Variants in USP42 observed in about 807,000 individuals in gnomAD.
USP42 encodes ubiquitin specific peptidase 42.
USP42 carries 23 observed loss-of-function variants against 113.0 expected under a neutral mutation model. The ratio of observed to expected loss-of-function variants is 0.20; its 90% CI spans 0.15 to 0.29. The LOEUF is 0.29. Ranked by LOEUF, USP42 falls within the 10% of genes least tolerant of loss-of-function variation. The probability of loss-of-function intolerance (pLI) is 1.00; values close to 1 mark genes in which losing one functional copy is unlikely to be tolerated. For synonymous variants in USP42, 933 were observed against 699.0 expected (o/e 1.33, Z -5.28); for missense variants, 2,174 against 1,779.8 (o/e 1.22, Z -3.99).
chr7:6,153,946 C>A lies in USP42; in HGVS notation c.2392C>A (p.Pro798Thr). ...EGAWEAMAVA[P>T]EEPPPSAGED... is the part of the protein sequence containing the mutation. Reference sequence around the variant, plus strand: ...CGCCTGGGAGGCCATGGCCGTCGCCCCCGAGGAGCCTCCGCCCAGCGCCGG... The same window carrying A: ...CGCCTGGGAGGCCATGGCCGTCGCCACCGAGGAGCCTCCGCCCAGCGCCGG... The change falls in exon 15 of 18, where the codon CCC becomes ACC. Residue 798 changes from proline to threonine, a missense_variant. By Grantham distance (38) the Pro-to-Thr change is conservative (BLOSUM62 -1). Coordinates refer to ENST00000306177, the MANE Select transcript of USP42 (RefSeq NM_032172.3). 6.3e-7 allele frequency: 1 copy of A among 1,597,850 alleles called. No homozygotes were observed. The highest frequency in any genetic ancestry group is 8.5e-7 in the Non-Finnish European group (1 of 1,174,828).
chr7:6,152,204 TGTGA>T (rs1782102452), intron 14 of USP42, among the ~76,000 whole-genome samples: 1 of 152,226 alleles, frequency 6.6e-6, no homozygotes, highest in Admixed American at 6.5e-5. Context: ...ACAGGTTGGC[TGTGA>T]GTGACAGCTC....
chr7:6,132,498 C>G (rs1780904724), intron 3 of USP42, among the ~76,000 whole-genome samples: 1 of 151,568 alleles, frequency 6.6e-6, no homozygotes, highest in Non-Finnish European at 1.5e-5. Flanking sequence ...GCTGGGGTTA[C>G]AGGCGCACAC....
Position 6,150,167 on chromosome 7 carries a change from A to G in USP42, c.1971A>G (p.Leu657=), listed in dbSNP as rs776528056. Residue 657 remains leucine, a synonymous_variant, in exon 13 of 18, where the codon CTA becomes CTG. Coordinates refer to ENST00000306177, the MANE Select transcript of USP42 (RefSeq NM_032172.3). The part of the protein sequence containing the change: ...TPHELQEPMT[L]NGANSADSDS... ...ACGAGCTTCAAGAACCCATGACCCT[A>G]AACGGTGCTAATAGTGCAGACAGCG... 3.7e-6 allele frequency: 6 copies of G among 1,613,940 alleles called. No individual in the cohort carries two copies. The highest frequency in any genetic ancestry group is 5.1e-6 in the Non-Finnish European group (6 of 1,179,856).
intron 3 of USP42, among the ~76,000 whole-genome samples, chr7:6,129,411 G>C (rs535399188): frequency 6.6e-6 from 1 of 150,908 alleles, no homozygotes; most frequent in African/African-American, 2.4e-5. Flanking sequence ...CAAAAGATTA[G>C]CCAGGCATGG....
intron 3 of USP42, among the ~76,000 whole-genome samples, chr7:6,120,309 C>T (rs1280064345): frequency 2.0e-5 from 3 of 152,136 alleles, no homozygotes; most frequent in African/African-American, 7.2e-5. Flanking sequence ...GTGCCACTAT[C>T]TCCACTCACT....
At chr7:6,123,826 C>G (rs1055354358) in intron 3 of USP42, among the ~76,000 whole-genome samples, 1 of 130,430 alleles carries the variant, frequency 7.7e-6, no homozygotes, top group African/African-American at 3.1e-5. Context: ...AAAGGAGACC[C>G]TGTCTCAAAA....
At chr7:6,089,554 A>G in the USP42 span, among the ~76,000 whole-genome samples, 10 of 138,594 alleles carry the variant, frequency 7.2e-5, no homozygotes, top group Non-Finnish European at 1.4e-4. Flanking sequence ...TTTTTTTGAG[A>G]TGGAGTCTCA....
the USP42 span, among the ~76,000 whole-genome samples, chr7:6,086,441 A>G: frequency 1.3e-5 from 2 of 150,398 alleles, no homozygotes; most frequent in African/African-American, 2.5e-5. Flanking sequence ...TCCTGACATC[A>G]TGATCCGCCC....
upstream of USP42, among the ~76,000 whole-genome samples, chr7:6,104,398 A>G (rs1332403531): frequency 6.6e-6 from 1 of 152,206 alleles, no homozygotes; most frequent in Non-Finnish European, 1.5e-5. Context: ...TGTTTCTAAG[A>G]AACAAAAAAT....
In USP42 at chr7:6,160,939, T is replaced by TATTTA. The variant is rs997032008; in HGVS notation, c.*428_*432dup. The TATTTA allele has an allele frequency of 1.3e-5, 2 of 152,662 alleles. No individual in the cohort carries two copies. Among genetic ancestry groups the TATTTA allele is most frequent in the Non-Finnish European group, 2.9e-5 (2 of 68,042 alleles). 9.5% of individuals were successfully genotyped at this position (152,662 alleles called of 1,614,324 possible). A position where few individuals can be genotyped will look rare whatever the true frequency, so the allele number is the denominator to read the frequency against. On this transcript the variant is annotated 3_prime_UTR_variant, in exon 18 of 18. Transcript: ENST00000306177. ...CAAAAGTACAAACTGACAGTGTGTA[T>TATTTA]ATTTAATTTAAAGACTTATTTAAAA... is the stretch of plus-strand genomic sequence containing the variant.
At position 6,153,969 on chromosome 7, in the gene USP42, C is replaced by T. The variant is rs558287537; in HGVS notation, c.2415C>T (p.Ala805=). The T allele has an allele frequency of 7.5e-6, 12 of 1,595,382 alleles. No individual in the cohort carries two copies. The highest frequency in any genetic ancestry group is 1.1e-5 in the South Asian group (1 of 90,646). The change falls in exon 15 of 18, where the codon GCC becomes GCT. Residue 805 remains alanine, a synonymous_variant. Coordinates refer to ENST00000306177, the MANE Select transcript of USP42 (RefSeq NM_032172.3). ...AVAPEEPPPS[A]GEDIVGDTAP... ...CCCCCGAGGAGCCTCCGCCCAGCGCCGGCGAGGACATCGTGGGGGACACAG... is the reference window on the plus strand; with the variant it reads ...CCCCCGAGGAGCCTCCGCCCAGCGCTGGCGAGGACATCGTGGGGGACACAG...
intron 14 of USP42, chr7:6,152,998 C>G (rs1466726299): frequency 1.0e-6 from 1 of 981,484 alleles, no homozygotes; most frequent in Non-Finnish European, 1.2e-6. Context: ...CGGCCAGGCG[C>G]GGTGGCTCAC....
intron 4 of USP42, among the ~76,000 whole-genome samples, chr7:6,138,293 T>C (rs1781256826): frequency 6.6e-6 from 1 of 152,242 alleles, no homozygotes; most frequent in East Asian, 1.9e-4. Flanking sequence ...AGCTGTTTAA[T>C]CAATTAGAAA....
chr7:6,100,004 C>CTATTTTTATTATTATTATTATTATTAT (rs141280623), upstream of USP42, among the ~76,000 whole-genome samples: 95 of 144,330 alleles, frequency 6.6e-4, 1 homozygote, highest in Non-Finnish European at 1.1e-3. Context: ...TTTCACAAGT[C>CTATTTTTATTATTATTATTATTATTAT]TATTATTATT....
chr7:6,116,519 G>C (rs1043228312), intron 3 of USP42: 1 of 276,582 alleles, frequency 3.6e-6, no homozygotes, highest in Admixed American at 5.7e-5. Flanking sequence ...ATTCATGTGT[G>C]TATGTTCTGG....
intron 3 of USP42, among the ~76,000 whole-genome samples, chr7:6,121,788 C>A (rs1408883195): frequency 6.6e-6 from 1 of 152,178 alleles, no homozygotes; most frequent in African/African-American, 2.4e-5. Flanking sequence ...CCTCAGCTTC[C>A]TGAGTAGCTA....
chr7:6,137,336 T>C (rs1781201206), intron 4 of USP42, among the ~76,000 whole-genome samples: 1 of 152,242 alleles, frequency 6.6e-6, no homozygotes, highest in Non-Finnish European at 1.5e-5. Context: ...AGGTTTGGAT[T>C]GTTTACACAT....
chr7:6,082,797 C>G, the USP42 span, among the ~76,000 whole-genome samples: 3 of 149,140 alleles, frequency 2.0e-5, no homozygotes, highest in African/African-American at 7.6e-5. Flanking sequence ...TTTGAGTAGA[C>G]ATGCAGTTTC....
chr7:6,147,707 G>A lies in USP42; in HGVS notation c.1233-32G>A. ...AATCTCTCCTAAGGAGGTGTCCTGT[G>A]TCACCCTAAGTATCGCTCTCCTTGT... On this transcript the variant is annotated intron_variant, in intron 11 of 17. Transcript: ENST00000306177. The A allele has an allele frequency of 3.2e-6, 5 of 1,544,750 alleles. No homozygotes were observed. The South Asian group carries it at 6.1e-5, about 19-fold the overall frequency.
Sources: allele counts gnomAD v4.1 joint callset (sites outside exome capture counted in the v4.1 genomes callset), GRCh38; gene constraint gnomAD v4.1.1; transcripts MANE v1.5; gene names NCBI Gene and HGNC (gene_info 2026-07-23, HGNC 2026-07-21).